PLAGL1: variants seen among roughly 807,000 people sequenced by gnomAD.
The protein encoded by PLAGL1 is zinc finger protein PLAGL1.
In PLAGL1, 1 loss-of-function variant was observed where a neutral mutation model predicts 4.6. The observed-to-expected ratio is 0.22, with a 90% confidence interval of 0.08 to 1.03. The LOEUF is 1.03. Ranked by LOEUF, PLAGL1 falls within the 50% of genes least tolerant of loss-of-function variation. The pLI is 0.58. For synonymous variants in PLAGL1, 240 were observed against 237.8 expected (o/e 1.01, Z -0.08); for missense variants, 464 against 570.4 (o/e 0.81, Z 1.90).
intron 1 of PLAGL1, among the ~76,000 whole-genome samples, chr6:144,051,413 C>T (rs1393029778): frequency 6.6e-6 from 1 of 152,228 alleles, no homozygotes; most frequent in Non-Finnish European, 1.5e-5. Context: ...ACCCACCATG[C>T]ATGAGGCACA....
rs1311363752 is a variant in PLAGL1, at chr6:143,952,567, G to A, written c.-324-4107C>T. ...TTTTGGGGATGAGAGAGGATCAGAC[G>A]GGAAGAAGAACATATATATATGGTA... On this transcript the variant is annotated intron_variant, in intron 6 of 7. Transcript: ENST00000674357. This position sits in a 1 kb window ranked among gnomAD's most constrained non-coding sequence, Gnocchi z 6.1. 4.6e-5 allele frequency among the ~76,000 whole-genome samples: 7 copies of A among 152,076 alleles called. No individual in the cohort carries two copies. The highest frequency in any genetic ancestry group is 4.2e-4 in the South Asian group (2 of 4,812).
At chr6:144,003,350 C>A (rs996559501) in intron 1 of PLAGL1, among the ~76,000 whole-genome samples, 10 of 152,040 alleles carry the variant, frequency 6.6e-5, no homozygotes, top group African/African-American at 2.2e-4. Flanking sequence ...GTGGGCTGGG[C>A]GCGGTGGCTC....
rs1416549212 is a variant in PLAGL1, at chr6:143,954,197, C to T, written c.-324-5737G>A. Among the ~76,000 whole-genome samples, 1 of 152,160 alleles carries T rather than the reference C, an allele frequency of 6.6e-6. No individual in the cohort carries two copies. The highest frequency in any genetic ancestry group is 1.5e-5 in the Non-Finnish European group (1 of 68,044). ...CCTAAGTATACAAAGCTCCCATCAGCTCTTTACTGGCTTGACTCACAAATT... is the reference window on the plus strand; with the variant it reads ...CCTAAGTATACAAAGCTCCCATCAGTTCTTTACTGGCTTGACTCACAAATT... On this transcript the variant is annotated intron_variant, in intron 6 of 7. Transcript: ENST00000674357. The surrounding 1 kb of genome is among the most constrained non-coding windows in gnomAD (Gnocchi z 5.1).
intron 1 of PLAGL1, among the ~76,000 whole-genome samples, chr6:144,041,113 G>T (rs1202108354): frequency 6.6e-6 from 1 of 152,108 alleles, no homozygotes; most frequent in Non-Finnish European, 1.5e-5. Flanking sequence ...GTTAACAGTA[G>T]TAGTAGCCAT....
In PLAGL1 at chr6:144,021,189, T is replaced by C. The variant is rs1795954877; in HGVS notation, c.-151+43279A>G. Reference sequence around the variant, plus strand: ...GGTAAGAGGTCAAACCTATGCGGTTTGAGCAAGTTCATAACATATTATACT... The same window carrying C: ...GGTAAGAGGTCAAACCTATGCGGTTCGAGCAAGTTCATAACATATTATACT... On this transcript the variant is annotated intron_variant, in intron 1 of 3. Transcript: ENST00000437412. Among the ~76,000 whole-genome samples the C allele has an allele frequency of 2.0e-5, 3 of 152,130 alleles. No individual in the cohort carries two copies. In the South Asian group the frequency reaches 6.2e-4, roughly 31 times the overall value.
At position 143,994,089 on chromosome 6, in the gene PLAGL1, A is replaced by G. The variant is rs1195481652; in HGVS notation, c.-583-8915T>C. Reference sequence around the variant, plus strand: ...CCTAGGGGCAAGGCCAGTACTTCTGAAAATGATGAACAAGAAGGTAGAATC... The same window carrying G: ...CCTAGGGGCAAGGCCAGTACTTCTGGAAATGATGAACAAGAAGGTAGAATC... On this transcript the variant is annotated intron_variant, in intron 1 of 7. Transcript: ENST00000674357. This position sits in a 1 kb window ranked among gnomAD's most constrained non-coding sequence, Gnocchi z 4.3. 1.3e-5 allele frequency among the ~76,000 whole-genome samples: 2 copies of G among 152,022 alleles called. No homozygotes were observed. Among genetic ancestry groups the G allele is most frequent in the African/African-American group, 2.4e-5 (1 of 41,430 alleles).
intron 1 of PLAGL1, among the ~76,000 whole-genome samples, chr6:144,047,174 C>A (rs916305222): frequency 6.6e-6 from 1 of 152,200 alleles, no homozygotes; most frequent in Non-Finnish European, 1.5e-5. Context: ...ACACCCCACC[C>A]TGCTTCAGCT....
rs1157561598 is a variant in PLAGL1 at position 143,940,301 on chromosome 6, T to G, written c.*1123A>C. On this transcript the variant is annotated 3_prime_UTR_variant, in exon 8 of 8. Transcript: ENST00000674357. ...GTATGAAAAATTAATCAAGCCAAAT[T>G]GCAAGATTTGAAAAGTTTATTATAT... is the stretch of plus-strand genomic sequence containing the variant. 2.0e-5 allele frequency: 3 copies of G among 152,156 alleles called. No homozygotes were observed. Among genetic ancestry groups the G allele is most frequent in the Non-Finnish European group, 4.4e-5 (3 of 68,022 alleles). 9.4% of individuals were successfully genotyped at this position (152,156 alleles called of 1,614,324 possible).
Position 143,985,982 on chromosome 6 carries a change from T to TATATATATATATATATATA in PLAGL1, c.-583-809_-583-808insTATATATATATATATATAT, listed in dbSNP as rs1554263920. Among the ~76,000 whole-genome samples the TATATATATATATATATATA allele has an allele frequency of 9.9e-5, 11 of 111,576 alleles. No homozygotes were observed. The highest frequency in any genetic ancestry group is 4.4e-3 in the Middle Eastern group (1 of 226). 73.2% of individuals were successfully genotyped at this position (111,576 alleles called of 152,430 possible). On this transcript the variant is annotated intron_variant, in intron 1 of 7. Coordinates refer to ENST00000674357, the MANE Select transcript of PLAGL1 (RefSeq NM_001317162.2). This position sits in a 1 kb window ranked among gnomAD's most constrained non-coding sequence, Gnocchi z 4.4. The stretch of plus-strand genomic sequence containing the variant: ...TATATCAAATTATATATATATAAAA[T>TATATATATATATATATATA]TATATATATATATATATATATATAT...
rs13219919 is a variant in PLAGL1, at chr6:143,985,937, A to C, written c.-583-763T>G. 1.1e-4 allele frequency among the ~76,000 whole-genome samples: 15 copies of C among 142,826 alleles called. No individual in the cohort carries two copies. The highest frequency in any genetic ancestry group is 3.1e-4 in the African/African-American group (12 of 39,314). 93.7% of individuals were successfully genotyped at this position (142,826 alleles called of 152,430 possible). ...TGTGTGTATACACACACATATATATAAAAGATATATATACACATATATATC... is the reference window on the plus strand; with the variant it reads ...TGTGTGTATACACACACATATATATCAAAGATATATATACACATATATATC... On this transcript the variant is annotated intron_variant, in intron 1 of 7. Coordinates refer to ENST00000674357, the MANE Select transcript of PLAGL1 (RefSeq NM_001317162.2). The surrounding 1 kb of genome is among the most constrained non-coding windows in gnomAD (Gnocchi z 4.4).
chr6:143,942,515 T>A lies in PLAGL1; in HGVS notation c.301A>T (p.Asn101Tyr), dbSNP rs768311718. The A allele has an allele frequency of 4.3e-6, 7 of 1,614,022 alleles. No individual in the cohort carries two copies. Among genetic ancestry groups the A allele is most frequent in the Non-Finnish European group, 5.1e-6 (6 of 1,180,022 alleles). ...FGCEECGKKY[N>Y]TMLGYKRHLA... ...TGCCTCTTATAGCCCAGCATGGTGT[T>A]GTACTTCTTCCCACACTCCTCACAC... The change falls in exon 8 of 8, where the codon AAC becomes TAC. Residue 101 changes from asparagine (N) to tyrosine (Y), a missense_variant. By Grantham distance (143) the Asn-to-Tyr change is moderately radical. Coordinates refer to ENST00000674357, the MANE Select transcript of PLAGL1 (RefSeq NM_001317162.2). The surrounding 1 kb of genome is among the most constrained non-coding windows in gnomAD (Gnocchi z 7.6).
Position 143,987,814 on chromosome 6 carries a change from T to A in PLAGL1, c.-583-2640A>T, listed in dbSNP as rs543484535. ...AGTAAATACAAGGCAGATGGTAACC[T>A]TAATTTTCTCTGAAAACTCTGTCTA... On this transcript the variant is annotated intron_variant, in intron 1 of 7. Transcript: ENST00000674357. Among the ~76,000 whole-genome samples the A allele has an allele frequency of 2.0e-5, 3 of 152,292 alleles. No individual in the cohort carries two copies. In the East Asian group the frequency reaches 5.8e-4, roughly 29 times the overall value.
intron 6 of PLAGL1, among the ~76,000 whole-genome samples, chr6:143,951,490 A>T (rs1172511552): frequency 6.6e-6 from 1 of 152,260 alleles, no homozygotes. Context: ...ACCTTGACTC[A>T]TTGCTTACCA....
intron 7 of PLAGL1, among the ~76,000 whole-genome samples, chr6:143,946,992 G>A (rs1309354171): frequency 6.6e-6 from 1 of 152,186 alleles, no homozygotes. Context: ...AAGATCCACT[G>A]GCGGCAGAAA....
In PLAGL1 at chr6:143,954,702, C is replaced by T. The variant is rs1021479839; in HGVS notation, c.-325+5767G>A. 5.3e-5 allele frequency among the ~76,000 whole-genome samples: 8 copies of T among 152,266 alleles called. No homozygotes were observed. Among genetic ancestry groups the T allele is most frequent in the African/African-American group, 1.7e-4 (7 of 41,558 alleles). On this transcript the variant is annotated intron_variant, in intron 6 of 7. Coordinates refer to ENST00000674357, the MANE Select transcript of PLAGL1 (RefSeq NM_001317162.2). This position sits in a 1 kb window ranked among gnomAD's most constrained non-coding sequence, Gnocchi z 5.1. ...ACCTATTATCATTGCTTGCATGAAA[C>T]ATTCATGTATTAGAAGTCATGGATA...
rs1797555412 is a variant in PLAGL1, at chr6:144,039,555, C to T, written c.-151+24913G>A. On this transcript the variant is annotated intron_variant, in intron 1 of 3. Transcript: ENST00000437412. The surrounding 1 kb of genome is among the most constrained non-coding windows in gnomAD (Gnocchi z 4.1). ...GAGCCAAGATTGTGCCACTTCACTT[C>T]AGCCTGGGTGACAGAGTGAGACTGT... Among the ~76,000 whole-genome samples, 1 of 152,176 alleles carries T rather than the reference C, an allele frequency of 6.6e-6. No homozygotes were observed.
rs978945061 is a variant in PLAGL1 at position 143,966,529 on chromosome 6, A to G, written c.-471-331T>C. The G allele has an allele frequency of 6.6e-6, 1 of 152,222 alleles. No individual in the cohort carries two copies. Among genetic ancestry groups the G allele is most frequent in the African/African-American group, 2.4e-5 (1 of 41,468 alleles). The allele number at this position is 152,222 out of a possible 1,614,324, so 9.4% of individuals were successfully genotyped here. A position where few individuals can be genotyped will look rare whatever the true frequency, so the allele number is the denominator to read the frequency against. ...CTGATTTGAATATGTGGGGCAAATG[A>G]GAACCATTTTAGGGAAACAACATAA... On this transcript the variant is annotated intron_variant, in intron 3 of 7. Transcript: ENST00000674357. This position sits in a 1 kb window ranked among gnomAD's most constrained non-coding sequence, Gnocchi z 6.0.
upstream of PLAGL1, among the ~76,000 whole-genome samples, chr6:144,009,927 A>C (rs1487560114): frequency 6.6e-6 from 1 of 152,184 alleles, no homozygotes; most frequent in East Asian, 1.9e-4. Context: ...ACCAATGGCC[A>C]TTTGGGTTGA....
intron 7 of PLAGL1, among the ~76,000 whole-genome samples, chr6:143,944,782 C>T (rs1015776503): frequency 8.3e-6 from 1 of 120,358 alleles, no homozygotes; most frequent in African/African-American, 3.1e-5. Context: ...AGTATTTAAA[C>T]CTTTTTTTTT....
Sources: allele counts gnomAD v4.1 joint callset (sites outside exome capture counted in the v4.1 genomes callset), GRCh38; gene constraint gnomAD v4.1.1; non-coding constraint Gnocchi (gnomAD v3.1); transcripts MANE v1.5; gene names NCBI Gene and HGNC (gene_info 2026-07-23, HGNC 2026-07-21).